The following SOX5 variants were observed in gnomAD, a reference collection of about 807,000 sequenced individuals.
SOX5 encodes the protein transcription factor SOX-5.
A neutral mutation model predicts 92.0 loss-of-function variants in SOX5; 9 were observed. That is an observed-to-expected ratio of 0.10 (90% confidence interval 0.06 to 0.17). SOX5 has a LOEUF of 0.17. SOX5 is among the 10% of genes least tolerant of loss of function. SOX5 has a pLI of 1.00. For missense variants in SOX5, 642 were observed against 944.5 expected (o/e 0.68, Z 4.20); for synonymous variants, 344 against 336.3 (o/e 1.02, Z -0.25).
chr12:24,220,736 C>T (rs1960206414), intron 3 of SOX5, among the ~76,000 whole-genome samples: 1 of 152,116 alleles, frequency 6.6e-6, no homozygotes. Flanking sequence ...ATTCTGCCTG[C>T]TCTTAAGAAT....
chr12:24,274,817 G>GAACTGC (rs151237760), intron 3 of SOX5, among the ~76,000 whole-genome samples: 2,828 of 152,016 alleles, frequency 0.019, 59 homozygotes, highest in African/African-American at 0.046. Context: ...TCTTAATCCA[G>GAACTGC]AACTGCAGTA....
intron 3 of SOX5, among the ~76,000 whole-genome samples, chr12:23,800,611 G>A (rs1317822524): frequency 6.6e-6 from 1 of 151,704 alleles, no homozygotes; most frequent in Non-Finnish European, 1.5e-5. Context: ...CCACTAAACT[G>A]TTAATATAGA....
intron 3 of SOX5, among the ~76,000 whole-genome samples, chr12:24,243,962 G>C (rs1938038042): frequency 6.6e-6 from 1 of 150,756 alleles, no homozygotes; most frequent in Non-Finnish European, 1.5e-5. Flanking sequence ...CTGAATTCAA[G>C]CTATCTAATT....
At chr12:23,626,085 A>G (rs1245836200) in intron 8 of SOX5, among the ~76,000 whole-genome samples, 1 of 152,162 alleles carries the variant, frequency 6.6e-6, no homozygotes, top group Non-Finnish European at 1.5e-5. Context: ...AGAGGAAAAA[A>G]TGAAGAAAAA....
At chr12:23,900,516 T>A (rs1166058043) in intron 1 of SOX5, among the ~76,000 whole-genome samples, 6 of 152,148 alleles carry the variant, frequency 3.9e-5, no homozygotes, top group Non-Finnish European at 5.9e-5. Flanking sequence ...TGCCTGCACA[T>A]TGGAATTACC....
intron 9 of SOX5, among the ~76,000 whole-genome samples, chr12:23,577,191 A>ATTTTTTTTT (rs1175798388): frequency 4.9e-5 from 3 of 61,390 alleles, no homozygotes; most frequent in South Asian, 6.1e-4. Context: ...ATATATATAT[A>ATTTTTTTTT]TTTTTTTTTT....
intron 8 of SOX5, among the ~76,000 whole-genome samples, chr12:23,624,538 T>C (rs552138377): frequency 2.6e-5 from 4 of 152,166 alleles, no homozygotes; most frequent in Non-Finnish European, 5.9e-5. Flanking sequence ...TGAAAGACAC[T>C]AAACAGAACT....
At chr12:24,382,729 A>T (rs975124114) in intron 1 of SOX5, among the ~76,000 whole-genome samples, 1 of 152,144 alleles carries the variant, frequency 6.6e-6, no homozygotes, top group Non-Finnish European at 1.5e-5. Flanking sequence ...AGGTGGTGAG[A>T]GGTGCTCAGA....
At position 23,739,367 on chromosome 12, in the gene SOX5, T is replaced by G. The variant is rs376464194; in HGVS notation, c.741+1500A>C. On this transcript the variant is annotated intron_variant, in intron 5 of 14. Coordinates refer to ENST00000451604, the MANE Select transcript of SOX5 (RefSeq NM_006940.6). ...CATTTTCCTACTATGTATATTCCAG[T>G]TTTTATTGTCTGATTTCGGCTACTA... Among the ~76,000 whole-genome samples the G allele has an allele frequency of 2.7e-4, 41 of 152,340 alleles. 1 individual carries two copies. The highest frequency in any genetic ancestry group is 1.5e-3 in the East Asian group (8 of 5,186).
intron 6 of SOX5, among the ~76,000 whole-genome samples, chr12:23,723,147 A>G (rs1413871111): frequency 6.6e-6 from 1 of 152,084 alleles, no homozygotes; most frequent in Non-Finnish European, 1.5e-5. Flanking sequence ...AATATATTAT[A>G]CTAACAATCT....
chr12:23,645,248 A>G (rs78193095), intron 7 of SOX5, among the ~76,000 whole-genome samples: 2,077 of 152,300 alleles, frequency 0.014, 48 homozygotes, highest in African/African-American at 0.046. Flanking sequence ...AAATGTGCAG[A>G]TGGAGGGGAG....
intron 2 of SOX5, among the ~76,000 whole-genome samples, chr12:24,315,245 C>T (rs1291428010): frequency 6.6e-6 from 1 of 152,118 alleles, no homozygotes; most frequent in Non-Finnish European, 1.5e-5. Flanking sequence ...TTCTAGCTGT[C>T]TGTAAAAAAT....
At chr12:24,287,311 A>T (rs1945994798) in intron 2 of SOX5, among the ~76,000 whole-genome samples, 1 of 151,894 alleles carries the variant, frequency 6.6e-6, no homozygotes, top group Admixed American at 6.6e-5. Context: ...TTAAAGCAGC[A>T]ATATTCATTT....
intron 4 of SOX5, among the ~76,000 whole-genome samples, chr12:24,193,512 C>T (rs929489725): frequency 3.3e-5 from 5 of 152,186 alleles, no homozygotes; most frequent in Non-Finnish European, 7.3e-5. Context: ...TCTCAAGTAT[C>T]ACTACCACAT....
intron 2 of SOX5, among the ~76,000 whole-genome samples, chr12:24,343,447 A>G (rs1952810523): frequency 6.7e-6 from 1 of 150,312 alleles, no homozygotes; most frequent in African/African-American, 2.4e-5. Flanking sequence ...TTATTTATAT[A>G]TATAATAGGT....
intron 4 of SOX5, among the ~76,000 whole-genome samples, chr12:24,172,098 C>T (rs565677390): frequency 0.043 from 5,423 of 125,084 alleles, 126 homozygotes; most frequent in Non-Finnish European, 0.071. Flanking sequence ...TGTGTGCGTG[C>T]GCGCGTGTGT....
chr12:24,539,811 T>TA (rs1951956658), intron 1 of SOX5, among the ~76,000 whole-genome samples: 1 of 152,130 alleles, frequency 6.6e-6, no homozygotes, highest in Non-Finnish European at 1.5e-5. Context: ...ATTTTACTCA[T>TA]AAGTCATTCA....
At chr12:24,397,736 A>T (rs1186196335) in intron 1 of SOX5, among the ~76,000 whole-genome samples, 1 of 152,108 alleles carries the variant, frequency 6.6e-6, no homozygotes, top group Non-Finnish European at 1.5e-5. Context: ...CAGAAAAAAA[A>T]TAGATTCATA....
intron 1 of SOX5, among the ~76,000 whole-genome samples, chr12:23,948,117 A>C (rs1178926522): frequency 6.6e-6 from 1 of 152,074 alleles, no homozygotes; most frequent in Non-Finnish European, 1.5e-5. Context: ...ATAAAAGCTC[A>C]CTAATTAAAG....
Sources: gnomAD v4.1 joint callset for allele counts (sites outside exome capture counted in the v4.1 genomes callset) on GRCh38, gnomAD v4.1.1 for gene constraint, MANE v1.5 for transcripts, NCBI Gene and HGNC (gene_info 2026-07-23, HGNC 2026-07-21) for gene names.